The following IRX2 variants were observed in gnomAD, a reference collection of about 807,000 sequenced individuals.
IRX2 encodes the protein iroquois homeobox 2, also known as iroquois-class homeodomain protein IRX-2.
A neutral mutation model predicts 42.9 loss-of-function variants in IRX2; 26 were observed. That is an observed-to-expected ratio of 0.61 (90% CI 0.44 to 0.84). The LOEUF is 0.84. Ranked by LOEUF, IRX2 falls within the 40% of genes least tolerant of loss-of-function variation. The pLI is 0.00. For synonymous variants in IRX2, 424 were observed against 353.9 expected (o/e 1.20, Z -2.22); for missense variants, 782 against 713.9 (o/e 1.10, Z -1.09).
At chr5:2,742,868 TCAC>T, downstream of IRX2, among the ~76,000 whole-genome samples, 4 of 152,214 alleles carry the variant, frequency 2.6e-5, no homozygotes, top group Admixed American at 2.6e-4. Flanking sequence ...GTATGTACAT[TCAC>T]TCCGTAGTTA....
downstream of IRX2, among the ~76,000 whole-genome samples, chr5:2,745,102 A>C (rs1334214298): frequency 1.3e-5 from 2 of 152,228 alleles, no homozygotes; most frequent in Admixed American, 1.3e-4. Flanking sequence ...ATGTTTAGAC[A>C]AGATTTTATA....
Position 2,751,502 on chromosome 5 carries a change from C to T in IRX2, c.-89G>A. 1.1e-6 allele frequency: 1 copy of T among 904,412 alleles called. No individual in the cohort carries two copies. The highest frequency in any genetic ancestry group is 1.3e-6 in the Non-Finnish European group (1 of 759,522). The allele number at this position is 904,412 out of a possible 1,614,324, so 56.0% of individuals were successfully genotyped here. On this transcript the variant is annotated 5_prime_UTR_variant, in exon 1 of 4. Transcript: ENST00000302057. This position sits in a 1 kb window ranked among gnomAD's most constrained non-coding sequence, Gnocchi z 4.0. ...ATCCACGCCCGGCCGGGGCGCGGCG[C>T]GGCGGCGGGCACCCGGACGGCCGGC...
At position 2,748,551 on chromosome 5, in the gene IRX2, G is replaced by A. The variant is rs1737776261; in HGVS notation, c.1157C>T (p.Ser386Leu). ...PLLGRPLYYTSPFYGNYTNYG... is the reference protein window; with the variant it reads ...PLLGRPLYYTLPFYGNYTNYG... ...GTTTGTGTAGTTGCCGTAGAAGGGC[G>A]ACGTGTAGTAGAGGGGGCGGCCCAG... is the stretch of plus-strand genomic sequence containing the variant. Residue 386 changes from serine to leucine, a missense_variant, in exon 3 of 4, where the codon TCG becomes TTG. Ser to Leu is a moderately radical substitution (Grantham distance 145). Coordinates refer to ENST00000302057, the MANE Select transcript of IRX2 (RefSeq NM_033267.5). The A allele has an allele frequency of 1.3e-6, 2 of 1,576,182 alleles. No homozygotes were observed. Among genetic ancestry groups the A allele is most frequent in the Non-Finnish European group, 8.6e-7 (1 of 1,162,756 alleles).
rs1160353276 is a variant in IRX2, at chr5:2,747,336, C to T, written c.*228G>A. 9.8e-6 allele frequency: 4 copies of T among 406,624 alleles called. No individual in the cohort carries two copies. Among genetic ancestry groups the T allele is most frequent in the Non-Finnish European group, 1.3e-5 (3 of 222,676 alleles). 25.2% of individuals were successfully genotyped at this position (406,624 alleles called of 1,614,324 possible). On this transcript the variant is annotated 3_prime_UTR_variant, in exon 4 of 4. Coordinates refer to ENST00000302057, the MANE Select transcript of IRX2 (RefSeq NM_033267.5). ...ATATATATATTTTTTTTTTCCTTCC[C>T]TAGGTAAAGGAGTGATAGAACTTGT...
chr5:2,744,073 CGTGTGTGTGTGTGTGTGTGTGT>C (rs10547927), downstream of IRX2, among the ~76,000 whole-genome samples: 2 of 140,084 alleles, frequency 1.4e-5, no homozygotes, highest in Non-Finnish European at 3.1e-5. Context: ...AGAATGGAGT[CGTGTGTGTGTGTGTGTGTGTGT>C]GTGTGTGTGT....
intron 1 of IRX2, among the ~76,000 whole-genome samples, chr5:2,750,175 C>A (rs1451362046): frequency 6.6e-6 from 1 of 152,106 alleles, no homozygotes; most frequent in African/African-American, 2.4e-5. Context: ...CTCCCTCTTC[C>A]CCTCCCTTAT....
intron 2 of IRX2, 33 bp downstream of exon 2, chr5:2,749,349 C>A: frequency 1.3e-6 from 2 of 1,561,588 alleles, no homozygotes; most frequent in Non-Finnish European, 1.7e-6. Flanking sequence ...AAGAAAGCGC[C>A]CCGAGACCTT....
chr5:2,749,447 G>A lies in IRX2; in HGVS notation c.590C>T (p.Thr197Ile), dbSNP rs746792418. Residue 197 changes from threonine (T) to isoleucine (I), a missense_variant, in exon 2 of 4, where the codon ACC becomes ATC. This residue lies in a region of IRX2 where 520 missense variants were observed against 437.8 expected (regional missense o/e 1.19). Transcript: ENST00000302057. ...EDEDEDEGDA[T>I]RSKDESPDKA... ...GTCGGGACTCTCGTCCTTGCTTCTG[G>A]TAGCGTCGCCCTCGTCCTCGTCCTC... The A allele has an allele frequency of 9.3e-6, 15 of 1,613,994 alleles. No individual in the cohort carries two copies. The highest frequency in any genetic ancestry group is 1.1e-5 in the Non-Finnish European group (13 of 1,180,012).
Position 2,748,777 on chromosome 5 carries a change from G to T in IRX2, c.931C>A (p.Pro311Thr). Residue 311 changes from proline (P) to threonine (T), a missense_variant, in exon 3 of 4, where the codon CCC becomes ACC. Physicochemically the swap from Pro to Thr is conservative, Grantham distance 38. Around this residue, in one of 3 missense-constraint regions of IRX2, gnomAD observed 520 missense variants for 437.8 expected, o/e 1.19. Coordinates refer to ENST00000302057, the MANE Select transcript of IRX2 (RefSeq NM_033267.5). ...CCCGGAGACGTCCGGCTGCCCTGGG[G>T]CGTCTTGCGGCCACCGCGGGGCGCG... ...EAAPRGGRKT[P>T]QGSRTSPGAP... 5.0e-6 allele frequency: 7 copies of T among 1,402,054 alleles called. No individual in the cohort carries two copies. The highest frequency in any genetic ancestry group is 6.4e-6 in the Non-Finnish European group (7 of 1,091,004). The allele number at this position is 1,402,054 out of a possible 1,614,324, so 86.9% of individuals were successfully genotyped here.
intron 1 of IRX2, among the ~76,000 whole-genome samples, chr5:2,750,826 G>A (rs1174520597): frequency 6.6e-6 from 1 of 152,194 alleles, no homozygotes; most frequent in Admixed American, 6.5e-5. Context: ...GCCTCCCCAG[G>A]CTGCGGTGCG....
intron 1 of IRX2, 61 bp from the exon 2 acceptor site, chr5:2,749,848 G>C: frequency 1.3e-6 from 2 of 1,501,996 alleles, no homozygotes; most frequent in Non-Finnish European, 8.9e-7. Context: ...ACCAGCCAGA[G>C]GATGCCACCC....
chr5:2,751,296 C>A lies in IRX2; in HGVS notation c.118G>T (p.Ala40Ser). ...TAGGGGCTGAACGCCGAGCCCGACG[C>A]CGAGCGCGCCAGCTCCTCGCTGCGC... ...APRSEELARS[A>S]SGSAFSPYPG... is the part of the protein sequence containing the mutation. Residue 40 changes from alanine (A) to serine (S), a missense_variant, in exon 1 of 4, where the codon GCG becomes TCG. Ala to Ser is a moderately conservative substitution (Grantham distance 99). Coordinates refer to ENST00000302057, the MANE Select transcript of IRX2 (RefSeq NM_033267.5). This position sits in a 1 kb window ranked among gnomAD's most constrained non-coding sequence, Gnocchi z 4.0. The A allele has an allele frequency of 7.0e-7, 1 of 1,433,910 alleles. No homozygotes were observed. The highest frequency in any genetic ancestry group is 3.2e-5 in the East Asian group (1 of 31,256). The allele number at this position is 1,433,910 out of a possible 1,614,324, so 88.8% of individuals were successfully genotyped here. A position where few individuals can be genotyped will look rare whatever the true frequency, so the allele number is the denominator to read the frequency against.
the IRX2 span, among the ~76,000 whole-genome samples, chr5:2,739,381 G>A: frequency 2.0e-5 from 3 of 152,350 alleles, no homozygotes; most frequent in African/African-American, 4.8e-5. Context: ...CCGCCTGGGC[G>A]CTGGGGCCGC....
Position 2,748,830 on chromosome 5 carries a change from G to T in IRX2, c.878C>A (p.Ala293Glu). The stretch of plus-strand genomic sequence containing the variant: ...CTCGGGCGGGGGGCTCAGCAGCGGC[G>T]CCTCCAAGCCGGTAAGCGGCGACGA... ...VTSSPLTGLE[A>E]PLLSPPPEAA... Residue 293 changes from alanine to glutamate, a missense_variant, in exon 3 of 4, where the codon GCG becomes GAG. Around this residue, in one of 3 missense-constraint regions of IRX2, gnomAD observed 520 missense variants for 437.8 expected, o/e 1.19. Transcript: ENST00000302057. 1 of 1,540,890 alleles carries T rather than the reference G, an allele frequency of 6.5e-7. No homozygotes were observed. Among genetic ancestry groups the T allele is most frequent in the East Asian group, 2.6e-5 (1 of 39,000 alleles).
chr5:2,748,794 C>G lies in IRX2; in HGVS notation c.914G>C (p.Arg305Pro). ...GCCCTGGGGCGTCTTGCGGCCACCG[C>G]GGGGCGCGGCCTCGGGCGGGGGGCT... ...LLSPPPEAAP[R>P]GGRKTPQGSR... is the part of the protein sequence containing the mutation. The change falls in exon 3 of 4, where the codon CGC (arginine) becomes CCC (proline). Residue 305 changes from arginine (R) to proline (P), a missense_variant. Transcript: ENST00000302057. 1 of 1,419,086 alleles carries G rather than the reference C, an allele frequency of 7.0e-7. No individual in the cohort carries two copies. The highest frequency in any genetic ancestry group is 9.1e-7 in the Non-Finnish European group (1 of 1,100,116). The allele number at this position is 1,419,086 out of a possible 1,614,324, so 87.9% of individuals were successfully genotyped here.
chr5:2,747,546 T>C lies in IRX2; in HGVS notation c.*18A>G, dbSNP rs1737717242. On this transcript the variant is annotated 3_prime_UTR_variant, in exon 4 of 4. Coordinates refer to ENST00000302057, the MANE Select transcript of IRX2 (RefSeq NM_033267.5). ...GCACCAGGGTGCCCACTTACTTGCATTGCTGTGCTCGGCCCTTCTATAGGT... is the reference window on the plus strand; with the variant it reads ...GCACCAGGGTGCCCACTTACTTGCACTGCTGTGCTCGGCCCTTCTATAGGT... The C allele has an allele frequency of 6.2e-7, 1 of 1,612,806 alleles. No individual in the cohort carries two copies. Among genetic ancestry groups the C allele is most frequent in the Non-Finnish European group, 8.5e-7 (1 of 1,178,922 alleles).
At chr5:2,740,141 C>T in the IRX2 span, among the ~76,000 whole-genome samples, 1 of 151,862 alleles carries the variant, frequency 6.6e-6, no homozygotes, top group East Asian at 1.9e-4. Context: ...AACTCATGAA[C>T]AGGCGGCCGG....
Position 2,748,694 on chromosome 5 carries a change from C to A in IRX2, c.1014G>T (p.Ser338=), listed in dbSNP as rs749641646. The part of the protein sequence containing the change: ...KLWSLAEIAT[S]DLKQPSLGPG... ...GGCCCAGGCTCGGCTGCTTGAGGTC[C>A]GACGTGGCGATCTCGGCCAGCGACC... Residue 338 remains serine (S), a synonymous_variant, in exon 3 of 4, where the codon TCG becomes TCT. Coordinates refer to ENST00000302057, the MANE Select transcript of IRX2 (RefSeq NM_033267.5). The A allele has an allele frequency of 3.6e-6, 5 of 1,398,520 alleles. No homozygotes were observed. The South Asian group carries it at 7.9e-5, about 22-fold the overall frequency. 86.6% of individuals were successfully genotyped at this position (1,398,520 alleles called of 1,614,324 possible). A position where few individuals can be genotyped will look rare whatever the true frequency, so the allele number is the denominator to read the frequency against.
chr5:2,749,173 C>T (rs1184890676), intron 2 of IRX2, 121 bp from the exon 3 acceptor site: 3 of 1,481,566 alleles, frequency 2.0e-6, no homozygotes, highest in African/African-American at 1.4e-5. Context: ...CGCCCCCACC[C>T]GGCCACGTGA....
Sources: gnomAD v4.1 joint callset for allele counts (sites outside exome capture counted in the v4.1 genomes callset) on GRCh38, gnomAD v4.1.1 for gene constraint, gnomAD v4.1.1 regional missense constraint, Gnocchi (gnomAD v3.1) non-coding constraint, MANE v1.5 for transcripts, NCBI Gene and HGNC (gene_info 2026-07-23, HGNC 2026-07-21) for gene names.